The following ACSM2A variants were observed in gnomAD, a reference collection of about 807,000 sequenced individuals.
The protein encoded by ACSM2A is acyl-coenzyme A synthetase ACSM2A, mitochondrial.
A neutral mutation model predicts 76.6 loss-of-function variants in ACSM2A; 72 were observed. The ratio of observed to expected loss-of-function variants is 0.94; its 90% confidence interval spans 0.78 to 1.14. The LOEUF (loss-of-function observed/expected upper bound fraction) is 1.14, where lower values mean the gene tolerates loss of function less well. Among genes scored for constraint, ACSM2A ranks in the 50% most tolerant of loss-of-function variants. The probability of loss-of-function intolerance (pLI) is 0.00; values close to 1 mark genes in which losing one functional copy is unlikely to be tolerated. For missense variants in ACSM2A, 684 were observed against 708.5 expected, an observed-to-expected ratio of 0.97 and a Z score of 0.39; for synonymous variants, 249 against 255.9, an observed-to-expected ratio of 0.97 and a Z score of 0.26.
At chr16:20,468,055 C>T (rs977007997) in intron 3 of ACSM2A, among the ~76,000 whole-genome samples, 4 of 151,934 alleles carry the variant, frequency 2.6e-5, no homozygotes, top group East Asian at 1.9e-4. Flanking sequence ...CTATCAGAGG[C>T]GACCAAACCA....
chr16:20,465,507 C>A lies in ACSM2A; in HGVS notation c.178-10C>A. 1 of 1,613,724 alleles carries A rather than the reference C, an allele frequency of 6.2e-7. No homozygotes were observed. Among genetic ancestry groups the A allele is most frequent in the Non-Finnish European group, 8.5e-7 (1 of 1,179,686 alleles). On this transcript the variant is annotated splice_polypyrimidine_tract_variant and intron_variant, in intron 2 of 13. Transcript: ENST00000573854. ...ATGCCCCCTGATCAACAGGGCTTCT[C>A]TTTCCTCAGGCTGGCAAGCGACTCC...
Position 20,458,915 on chromosome 16 carries a change from T to TATAC in ACSM2A, c.-8-1189_-8-1188insCATA, listed in dbSNP as rs1300004789. On this transcript the variant is annotated intron_variant, in intron 1 of 13. Transcript: ENST00000573854. ...TATTATATATATATGCATATATATA[T>TATAC]ATATATATATATATATACATATATA... Among the ~76,000 whole-genome samples the TATAC allele has an allele frequency of 9.2e-4, 54 of 58,812 alleles. 1 individual carries two copies. In the East Asian group the frequency reaches 0.052, roughly 57 times the overall value. 38.6% of individuals were successfully genotyped at this position (58,812 alleles called of 152,430 possible).
Position 20,465,606 on chromosome 16 carries a change from C to T in ACSM2A, c.267C>T (p.Asn89=). The change falls in exon 3 of 14, where the codon AAC becomes AAT. Residue 89 remains asparagine (N), a synonymous_variant. Transcript: ENST00000573854. The part of the protein sequence containing the change: ...LMWNFRELSE[N]SQQAANVLSG... Reference sequence around the variant, plus strand: ...GGAATTTCAGAGAACTGAGTGAAAACAGCCAGCAGGCAGCCAACGTCCTCT... The same window carrying T: ...GGAATTTCAGAGAACTGAGTGAAAATAGCCAGCAGGCAGCCAACGTCCTCT... 6.2e-7 allele frequency: 1 copy of T among 1,613,994 alleles called. No homozygotes were observed. Among genetic ancestry groups the T allele is most frequent in the African/African-American group, 1.3e-5 (1 of 75,046 alleles).
Position 20,472,849 on chromosome 16 carries a change from T to C in ACSM2A, c.894+1160T>C, listed in dbSNP as rs529652246. Among the ~76,000 whole-genome samples, 256 of 152,352 alleles carry C rather than the reference T, an allele frequency of 1.7e-3. 1 individual carries two copies. Among genetic ancestry groups the C allele is most frequent in the African/African-American group, 5.8e-3 (241 of 41,584 alleles). ...TAGCTGGCTGCAAAGTATTTCATTA[T>C]GTGAATCTGTAAAAATGTTCCCCCA... is the stretch of plus-strand genomic sequence containing the variant. On this transcript the variant is annotated intron_variant, in intron 6 of 13. Coordinates refer to ENST00000573854, the MANE Select transcript of ACSM2A (RefSeq NM_001308172.2).
intron 12 of ACSM2A, 71 bp downstream of exon 12, chr16:20,480,992 A>T: frequency 6.3e-7 from 1 of 1,582,632 alleles, no homozygotes; most frequent in African/African-American, 1.4e-5. Context: ...ATGGTTTAAG[A>T]ACAGGGACTG....
chr16:20,468,515 A>G (rs1251198261), intron 3 of ACSM2A, among the ~76,000 whole-genome samples: 2 of 152,144 alleles, frequency 1.3e-5, no homozygotes, highest in African/African-American at 2.4e-5. Context: ...GTGTGCCATC[A>G]AGCCCAGATA....
chr16:20,469,645 T>C lies in ACSM2A; in HGVS notation c.522T>C (p.Cys174=). Residue 174 remains cysteine (C), a synonymous_variant, in exon 4 of 14, where the codon TGT becomes TGC. Transcript: ENST00000573854. ...AAGTGGACACAGTGGCATCTGAATG[T>C]CCTTCTCTGAGAATTAAGCTACTGG... is the stretch of plus-strand genomic sequence containing the variant. The part of the protein sequence containing the change: ...IQEVDTVASE[C]PSLRIKLLVS... The C allele has an allele frequency of 1.2e-6, 2 of 1,613,894 alleles. No individual in the cohort carries two copies. Among genetic ancestry groups the C allele is most frequent in the East Asian group, 2.2e-5 (1 of 44,872 alleles).
intron 1 of ACSM2A, chr16:20,453,248 C>T (rs2011898516): frequency 6.6e-6 from 1 of 151,918 alleles, no homozygotes; most frequent in South Asian, 2.1e-4. Flanking sequence ...TGCAGGAAGT[C>T]AGGGACCCTG....
intron 10 of ACSM2A, among the ~76,000 whole-genome samples, chr16:20,480,101 G>A (rs1246668377): frequency 6.6e-6 from 1 of 152,180 alleles, no homozygotes; most frequent in African/African-American, 2.4e-5. Flanking sequence ...TGAATAGACG[G>A]ACCCAGCTAT....
intron 1 of ACSM2A, among the ~76,000 whole-genome samples, 199 bp from the exon 2 acceptor site, chr16:20,459,908 G>A (rs1010988348): frequency 2.0e-5 from 3 of 152,164 alleles, no homozygotes; most frequent in Non-Finnish European, 2.9e-5. Context: ...GACTGGGTCT[G>A]TATCCTCTTA....
intron 2 of ACSM2A, among the ~76,000 whole-genome samples, chr16:20,461,728 A>T (rs1596646152): frequency 6.6e-6 from 1 of 152,200 alleles, no homozygotes; most frequent in Non-Finnish European, 1.5e-5. Context: ...AATAAAAGTA[A>T]TGCAAGTGAT....
At chr16:20,457,081 C>A (rs2012218398) in intron 1 of ACSM2A, among the ~76,000 whole-genome samples, 1 of 151,956 alleles carries the variant, frequency 6.6e-6, no homozygotes, top group Admixed American at 6.6e-5. Flanking sequence ...TGGGAAGATA[C>A]AACCCTCCTA....
chr16:20,477,710 T>A (rs1438885294), intron 9 of ACSM2A, among the ~76,000 whole-genome samples: 1 of 152,216 alleles, frequency 6.6e-6, no homozygotes, highest in African/African-American at 2.4e-5. Context: ...CACAAGTATA[T>A]ATGCTTTAAA....
chr16:20,461,747 T>C (rs925197492), intron 2 of ACSM2A, among the ~76,000 whole-genome samples: 1 of 152,218 alleles, frequency 6.6e-6, no homozygotes, highest in African/African-American at 2.4e-5. Flanking sequence ...ATAATTTTGC[T>C]GAAATAACTT....
intron 3 of ACSM2A, among the ~76,000 whole-genome samples, chr16:20,468,392 G>A (rs1055110986): frequency 1.2e-4 from 18 of 152,038 alleles, no homozygotes; most frequent in South Asian, 4.1e-4. Flanking sequence ...TTTTTGAGAC[G>A]GAGTCTCCCT....
chr16:20,483,310 C>A, intron 13 of ACSM2A, 133 bp downstream of exon 13: 1 of 1,395,498 alleles, frequency 7.2e-7, no homozygotes, highest in Non-Finnish European at 9.6e-7. Flanking sequence ...CAGCTCACGC[C>A]TGTAATCCCA....
At chr16:20,473,807 A>T (rs1303948060) in intron 6 of ACSM2A, among the ~76,000 whole-genome samples, 1 of 152,042 alleles carries the variant, frequency 6.6e-6, no homozygotes. Context: ...ATTAACATCA[A>T]TACAGACTTT....
intron 3 of ACSM2A, among the ~76,000 whole-genome samples, chr16:20,467,801 C>G (rs977101557): frequency 7.2e-5 from 11 of 152,220 alleles, no homozygotes; most frequent in South Asian, 4.1e-4. Flanking sequence ...TAAAATTTGA[C>G]ATGGAGACAG....
At chr16:20,463,984 G>T (rs547919914) in intron 2 of ACSM2A, among the ~76,000 whole-genome samples, 17 of 152,136 alleles carry the variant, frequency 1.1e-4, no homozygotes, top group African/African-American at 4.1e-4. Flanking sequence ...TTACTCTTAC[G>T]TTAAAACTTC....
Sources: gnomAD v4.1 joint callset for allele counts (sites outside exome capture counted in the v4.1 genomes callset) on GRCh38, gnomAD v4.1.1 for gene constraint, MANE v1.5 for transcripts, NCBI Gene and HGNC (gene_info 2026-07-23, HGNC 2026-07-21) for gene names.